GARNL3: variants seen among roughly 807,000 people sequenced by gnomAD.
The protein encoded by GARNL3 is GTPase-activating Rap/Ran-GAP domain-like protein 3.
A neutral mutation model predicts 125.0 loss-of-function variants in GARNL3; 63 were observed. That is an observed-to-expected ratio of 0.50 (90% CI 0.41 to 0.62). GARNL3 has a LOEUF of 0.62. Among genes scored for constraint, GARNL3 ranks in the 20% least tolerant of loss-of-function variants. The probability of loss-of-function intolerance (pLI) is 0.00; values close to 1 mark genes in which losing one functional copy is unlikely to be tolerated. For synonymous variants in GARNL3, 439 were observed against 457.5 expected, an observed-to-expected ratio of 0.96 and a Z score of 0.52; for missense variants, 994 against 1,244.0, an observed-to-expected ratio of 0.80 and a Z score of 3.02.
At chr9:127,376,289 G>A (rs554956400) in intron 22 of GARNL3, among the ~76,000 whole-genome samples, 5 of 150,550 alleles carry the variant, frequency 3.3e-5, no homozygotes, top group African/African-American at 4.9e-5. Context: ...AGACAGTCTC[G>A]CTTACTGCAG....
intron 7 of GARNL3, among the ~76,000 whole-genome samples, chr9:127,331,431 T>G (rs59036759): frequency 0.042 from 6,322 of 151,790 alleles, 461 homozygotes; most frequent in African/African-American, 0.14. Context: ...AGGTGGAGGT[T>G]GCAGTGAGCT....
In GARNL3 at chr9:127,311,718, A is replaced by C. The variant is rs746273864; in HGVS notation, c.302A>C (p.Lys101Thr). The C allele has an allele frequency of 4.4e-6, 7 of 1,608,856 alleles. No homozygotes were observed. The African/African-American group carries it at 8.0e-5, about 18-fold the overall frequency. The change falls in exon 3 of 28, where the codon AAA becomes ACA. Residue 101 changes from lysine (K) to threonine (T), a missense_variant. Around this residue, in one of 5 missense-constraint regions of GARNL3, gnomAD observed 139 missense variants for 231.6 expected, o/e 0.60. Coordinates refer to ENST00000373387, the MANE Select transcript of GARNL3 (RefSeq NM_032293.5). ...NPEYHTRWYF[K>T]YFLGQVHQNY... ...GAATACCACACCAGATGGTATTTCA[A>C]ATATTTTTTAGGACAAGGTAATTAT... is the stretch of plus-strand genomic sequence containing the variant.
intron 2 of GARNL3, among the ~76,000 whole-genome samples, chr9:127,248,113 T>C (rs1420813877): frequency 6.6e-6 from 1 of 152,220 alleles, no homozygotes; most frequent in African/African-American, 2.4e-5. Flanking sequence ...TACTGTATTT[T>C]AAAACAAGTG....
intron 22 of GARNL3, among the ~76,000 whole-genome samples, chr9:127,378,361 C>T (rs1832046615): frequency 6.6e-6 from 1 of 151,792 alleles, no homozygotes; most frequent in Non-Finnish European, 1.5e-5. Context: ...GCCAAGAGGG[C>T]AGATCACCTG....
chr9:127,331,897 C>T (rs768654952), intron 7 of GARNL3, among the ~76,000 whole-genome samples: 26 of 151,892 alleles, frequency 1.7e-4, no homozygotes, highest in South Asian at 4.2e-4. Flanking sequence ...AACTCTTCTT[C>T]GCTGACTGGG....
intron 5 of GARNL3, among the ~76,000 whole-genome samples, chr9:127,319,129 C>A (rs1190688112): frequency 5.3e-5 from 8 of 152,148 alleles, no homozygotes; most frequent in Non-Finnish European, 1.0e-4. Context: ...CTCATCCTTA[C>A]CAAAATGGCT....
At chr9:127,277,328 T>C (rs768390754) in intron 1 of GARNL3, among the ~76,000 whole-genome samples, 2 of 151,648 alleles carry the variant, frequency 1.3e-5, no homozygotes, top group Non-Finnish European at 2.9e-5. Flanking sequence ...TCCTCTTTCC[T>C]TGAGCTTCTG....
chr9:127,370,166 G>C (rs553239990), intron 22 of GARNL3, among the ~76,000 whole-genome samples: 2 of 152,200 alleles, frequency 1.3e-5, no homozygotes, highest in African/African-American at 4.8e-5. Flanking sequence ...CCCTAAGCCC[G>C]ATGGGCCAGG....
intron 7 of GARNL3, among the ~76,000 whole-genome samples, chr9:127,329,763 G>T (rs111940437): frequency 6.6e-6 from 1 of 152,020 alleles, no homozygotes; most frequent in African/African-American, 2.4e-5. Context: ...TTCCAGCTCC[G>T]GTCCTACCGT....
chr9:127,373,288 G>A (rs1831706563), intron 22 of GARNL3, among the ~76,000 whole-genome samples: 2 of 152,156 alleles, frequency 1.3e-5, no homozygotes, highest in South Asian at 4.1e-4. Context: ...CATCAGAGTG[G>A]GTGTTTTAGT....
At position 127,264,800 on chromosome 9, in the gene GARNL3, G is replaced by T; in HGVS notation, c.-78G>T. 4 of 1,363,134 alleles carry T rather than the reference G, an allele frequency of 2.9e-6. No individual in the cohort carries two copies. The highest frequency in any genetic ancestry group is 3.9e-4 in the Middle Eastern group (2 of 5,162). The allele number at this position is 1,363,134 out of a possible 1,614,324, so 84.4% of individuals were successfully genotyped here. A position where few individuals can be genotyped will look rare whatever the true frequency, so the allele number is the denominator to read the frequency against. On this transcript the variant is annotated 5_prime_UTR_variant, in exon 1 of 28. Coordinates refer to ENST00000373387, the MANE Select transcript of GARNL3 (RefSeq NM_032293.5). ...GGCTCTGCAATGGCTGCTGGGGACT[G>T]TGTCTGTTGCAAGGAGGCTCCCCTG... is the stretch of plus-strand genomic sequence containing the variant.
At chr9:127,350,211 CA>C (rs1429387018) in intron 17 of GARNL3, among the ~76,000 whole-genome samples, 1 of 151,934 alleles carries the variant, frequency 6.6e-6, no homozygotes, top group African/African-American at 2.4e-5. Context: ...TTTGAAATTA[CA>C]AAATGATTGG....
intron 18 of GARNL3, 122 bp from the exon 19 acceptor site, chr9:127,354,172 G>A: frequency 1.4e-6 from 1 of 740,422 alleles, no homozygotes; most frequent in Non-Finnish European, 2.3e-6. Flanking sequence ...GTGGTGTGGG[G>A]TGCCTCCTGA....
chr9:127,238,382 G>C (rs2063148423), intron 1 of GARNL3, among the ~76,000 whole-genome samples: 1 of 152,076 alleles, frequency 6.6e-6, no homozygotes, highest in Non-Finnish European at 1.5e-5. Context: ...TTGAGGAGAG[G>C]CCTAACTGTG....
In GARNL3 at chr9:127,392,836, C is replaced by T. The variant is rs1023295288; in HGVS notation, c.2871-247C>T. On this transcript the variant is annotated intron_variant, in intron 27 of 27. Transcript: ENST00000373387. The surrounding 1 kb of genome is among the most constrained non-coding windows in gnomAD (Gnocchi z 5.2). ...CAGGATGACATTATCTGGATTTGCA[C>T]TTTAGAAAGGTAGGTAAATAATGCC... Among the ~76,000 whole-genome samples, 9 of 152,150 alleles carry T rather than the reference C, an allele frequency of 5.9e-5. No homozygotes were observed. The highest frequency in any genetic ancestry group is 1.0e-4 in the Non-Finnish European group (7 of 68,026).
At chr9:127,379,124 G>A (rs558727013) in intron 22 of GARNL3, among the ~76,000 whole-genome samples, 47 of 152,208 alleles carry the variant, frequency 3.1e-4, no homozygotes, top group Non-Finnish European at 5.7e-4. Flanking sequence ...GGGAACAAAG[G>A]GAGGCTTTTA....
chr9:127,335,447 C>T (rs1829499544), intron 10 of GARNL3, 114 bp downstream of exon 10: 1 of 810,404 alleles, frequency 1.2e-6, no homozygotes. Flanking sequence ...GCTGTGGCCA[C>T]CAATTTAGGG....
Position 127,231,221 on chromosome 9 carries a change from A to ATTTTTTTTTTTTT in GARNL3, c.-29+6889_-29+6890insTTTTTTTTTTTTT, listed in dbSNP as rs754935724. On this transcript the variant is annotated intron_variant, in intron 1 of 10. Transcript: ENST00000439286. ...AGGCGCCCGCCACCACGCCCAGCTA[A>ATTTTTTTTTTTTT]TTTTTTGTTTTTTTTTTTTTTTTTG... 2.1e-4 allele frequency among the ~76,000 whole-genome samples: 14 copies of ATTTTTTTTTTTTT among 66,090 alleles called. 1 individual carries two copies. Among genetic ancestry groups the ATTTTTTTTTTTTT allele is most frequent in the African/African-American group, 7.7e-4 (14 of 18,244 alleles). 43.4% of individuals were successfully genotyped at this position (66,090 alleles called of 152,430 possible).
At chr9:127,371,168 CCTAT>C (rs1294089989) in intron 22 of GARNL3, among the ~76,000 whole-genome samples, 1 of 152,198 alleles carries the variant, frequency 6.6e-6, no homozygotes, top group Non-Finnish European at 1.5e-5. Flanking sequence ...TTCCAAATGG[CCTAT>C]CTTTTATGGA....
Sources: gnomAD v4.1 joint callset for allele counts (sites outside exome capture counted in the v4.1 genomes callset) on GRCh38, gnomAD v4.1.1 for gene constraint, gnomAD v4.1.1 regional missense constraint, Gnocchi (gnomAD v3.1) non-coding constraint, MANE v1.5 for transcripts, NCBI Gene and HGNC (gene_info 2026-07-23, HGNC 2026-07-21) for gene names.